The following CTNNA2 variants were observed in gnomAD, a reference collection of about 807,000 sequenced individuals.
CTNNA2 encodes catenin alpha 2.
CTNNA2 carries 42 observed loss-of-function variants against 101.0 expected under a neutral mutation model. The ratio of observed to expected loss-of-function variants is 0.42; its 90% CI spans 0.32 to 0.54. The LOEUF is 0.54. CTNNA2 is among the 20% of genes least tolerant of loss of function. The probability of loss-of-function intolerance (pLI) is 0.14; values close to 1 mark genes in which losing one functional copy is unlikely to be tolerated. For synonymous variants in CTNNA2, 450 were observed against 456.4 expected (o/e 0.99, Z 0.18); for missense variants, 871 against 1,223.1 (o/e 0.71, Z 4.29).
At chr2:80,250,942 T>A (rs1671719623) in intron 7 of CTNNA2, among the ~76,000 whole-genome samples, 1 of 152,128 alleles carries the variant, frequency 6.6e-6, no homozygotes, top group Non-Finnish European at 1.5e-5. Flanking sequence ...TACAAATACT[T>A]CAAGGGGAAA....
intron 1 of CTNNA2, among the ~76,000 whole-genome samples, chr2:79,585,336 A>G (rs571961393): frequency 1.3e-5 from 2 of 152,106 alleles, no homozygotes; most frequent in Admixed American, 1.3e-4. Context: ...TCCTGTCTCT[A>G]ATTGCTTTGC....
intron 7 of CTNNA2, among the ~76,000 whole-genome samples, chr2:80,312,703 C>G (rs1219734750): frequency 6.6e-6 from 1 of 152,206 alleles, no homozygotes; most frequent in Non-Finnish European, 1.5e-5. Flanking sequence ...TCTGCTCTGT[C>G]TCTGATATTC....
At chr2:79,404,154 AAG>A (rs1678317199) in intron 4 of CTNNA2, among the ~76,000 whole-genome samples, 1 of 152,024 alleles carries the variant, frequency 6.6e-6, no homozygotes. Flanking sequence ...AAAAAAAAAA[AAG>A]GGCAATAGTG....
chr2:79,825,531 T>C (rs1678369467), intron 3 of CTNNA2, among the ~76,000 whole-genome samples: 1 of 151,938 alleles, frequency 6.6e-6, no homozygotes, highest in South Asian at 2.1e-4. Context: ...AGTGTTGCCA[T>C]TACTAAAAGG....
chr2:79,479,689 G>A (rs1345906320), intron 4 of CTNNA2, among the ~76,000 whole-genome samples: 6 of 152,048 alleles, frequency 3.9e-5, no homozygotes, highest in Admixed American at 1.3e-4. Flanking sequence ...TTGGGAGGCC[G>A]AGGCGGGCGG....
intron 7 of CTNNA2, chr2:80,304,024 T>C (rs570150287): frequency 2.0e-6 from 1 of 506,856 alleles, no homozygotes; most frequent in Non-Finnish European, 3.3e-6. Flanking sequence ...CTGGGCAGCA[T>C]AGAAAGTTCA....
At chr2:80,183,716 CT>C (rs1351808549) in intron 7 of CTNNA2, among the ~76,000 whole-genome samples, 6 of 152,170 alleles carry the variant, frequency 3.9e-5, no homozygotes, top group Non-Finnish European at 7.4e-5. Context: ...TAATTTATGG[CT>C]TTAACTCCCT....
chr2:79,468,621 A>G (rs1415886003), intron 4 of CTNNA2, among the ~76,000 whole-genome samples: 1 of 152,190 alleles, frequency 6.6e-6, no homozygotes, highest in African/African-American at 2.4e-5. Flanking sequence ...TTAACCACAT[A>G]GTTGGAAGTA....
intron 5 of CTNNA2, among the ~76,000 whole-genome samples, chr2:79,506,963 A>T (rs1671426325): frequency 6.6e-6 from 1 of 152,206 alleles, no homozygotes; most frequent in Non-Finnish European, 1.5e-5. Context: ...CATGAATTAG[A>T]TTCCAGATAG....
chr2:79,810,649 G>A (rs1472659351), intron 3 of CTNNA2, among the ~76,000 whole-genome samples: 11 of 151,250 alleles, frequency 7.3e-5, no homozygotes, highest in Admixed American at 5.9e-4. Context: ...TTAGCATTAG[G>A]TATATCTCCT....
chr2:79,958,912 T>A (rs76729989), intron 7 of CTNNA2, among the ~76,000 whole-genome samples: 1,784 of 152,314 alleles, frequency 0.012, 84 homozygotes, highest in East Asian at 0.081. Context: ...ATGGTAACCA[T>A]GTTACTTATG....
At position 80,445,758 on chromosome 2, in the gene CTNNA2, T is replaced by G. The variant is rs181137717; in HGVS notation, c.1290+26157T>G. On this transcript the variant is annotated intron_variant, in intron 9 of 18. Coordinates refer to ENST00000402739, the MANE Select transcript of CTNNA2 (RefSeq NM_001282597.3). ...AGTCAGTGTCAACCTTGACCTTACATGCATAGTAGAAAGACAGTGGCCTTG... is the reference window on the plus strand; with the variant it reads ...AGTCAGTGTCAACCTTGACCTTACAGGCATAGTAGAAAGACAGTGGCCTTG... 1.9e-4 allele frequency among the ~76,000 whole-genome samples: 29 copies of G among 152,340 alleles called. No homozygotes were observed. The Middle Eastern group carries it at 0.01, about 54-fold the overall frequency.
At chr2:80,246,608 T>C (rs922927582) in intron 7 of CTNNA2, among the ~76,000 whole-genome samples, 1 of 152,256 alleles carries the variant, frequency 6.6e-6, no homozygotes, top group Admixed American at 6.5e-5. Context: ...AACCAAAAAC[T>C]AGATGGTGGT....
chr2:79,223,564 T>C (rs1220778313), intron 2 of CTNNA2, among the ~76,000 whole-genome samples: 1 of 152,176 alleles, frequency 6.6e-6, no homozygotes, highest in Non-Finnish European at 1.5e-5. Flanking sequence ...AGTAGGCACA[T>C]GCTATCAGTC....
intron 7 of CTNNA2, among the ~76,000 whole-genome samples, chr2:80,359,854 A>C (rs1312152908): frequency 6.6e-6 from 1 of 152,136 alleles, no homozygotes; most frequent in Non-Finnish European, 1.5e-5. Flanking sequence ...CTTCAACATA[A>C]TCTTGACTCC....
chr2:79,430,440 A>C (rs975119741), intron 4 of CTNNA2, among the ~76,000 whole-genome samples: 1 of 152,152 alleles, frequency 6.6e-6, no homozygotes, highest in African/African-American at 2.4e-5. Context: ...CGCTGGCCTT[A>C]AGAGCAGGCA....
chr2:79,835,666 G>GTTTTTTTTTTTTTTTTT (rs70940048), intron 3 of CTNNA2, among the ~76,000 whole-genome samples: 6 of 58,634 alleles, frequency 1.0e-4, no homozygotes, highest in African/African-American at 2.9e-4. Context: ...GCCTCTCTTT[G>GTTTTTTTTTTTTTTTTT]TTTTTTTTTT....
intron 2 of CTNNA2, among the ~76,000 whole-genome samples, chr2:79,731,542 G>C (rs1259244572): frequency 6.6e-6 from 1 of 152,088 alleles, no homozygotes; most frequent in East Asian, 1.9e-4. Context: ...TTGTGCTAGA[G>C]AGATGTGAGT....
chr2:80,525,850 TGGGACCTG>T (rs1300045963), intron 9 of CTNNA2, among the ~76,000 whole-genome samples: 2 of 152,184 alleles, frequency 1.3e-5, no homozygotes, highest in East Asian at 3.9e-4. Flanking sequence ...TACGTGTGCC[TGGGACCTG>T]CAAACAGACT....
Sources: gnomAD v4.1 joint callset for allele counts (sites outside exome capture counted in the v4.1 genomes callset) on GRCh38, gnomAD v4.1.1 for gene constraint, MANE v1.5 for transcripts, NCBI Gene and HGNC (gene_info 2026-07-23, HGNC 2026-07-21) for gene names.